Variants in RAB4A observed in about 807,000 individuals in gnomAD.
The protein encoded by RAB4A is ras-related protein Rab-4A.
Under a neutral mutation model 34.5 loss-of-function variants are expected in RAB4A, and 20 were observed. The observed-to-expected ratio is 0.58, with a 90% CI of 0.41 to 0.84. The LOEUF (loss-of-function observed/expected upper bound fraction) is 0.84, where lower values mean the gene tolerates loss of function less well. RAB4A is among the 40% of genes least tolerant of loss of function. The pLI is 0.00. For missense variants in RAB4A, 228 were observed against 274.5 expected (o/e 0.83, Z 1.20); for synonymous variants, 102 against 100.0 (o/e 1.02, Z -0.12).
chr1:229,286,237 C>T (rs1377532117), intron 1 of RAB4A, among the ~76,000 whole-genome samples: 1 of 152,178 alleles, frequency 6.6e-6, no homozygotes, highest in Non-Finnish European at 1.5e-5. Context: ...GAGTAGTTTT[C>T]AGACTTTAAC....
At chr1:229,272,741 C>A (rs1189336664) in intron 1 of RAB4A, among the ~76,000 whole-genome samples, 24 of 152,162 alleles carry the variant, frequency 1.6e-4, no homozygotes, top group Non-Finnish European at 1.5e-5. Flanking sequence ...GTCAGTTTGT[C>A]TTGTAAGAAA....
chr1:229,280,938 G>A (rs970110106), intron 1 of RAB4A, among the ~76,000 whole-genome samples: 1 of 152,080 alleles, frequency 6.6e-6, no homozygotes, highest in Non-Finnish European at 1.5e-5. Context: ...TACATTCCAG[G>A]TTATTGCATG....
intron 3 of RAB4A, chr1:229,289,314 C>G (rs1024563321): frequency 3.3e-5 from 5 of 153,248 alleles, no homozygotes; most frequent in African/African-American, 1.2e-4. Context: ...AACTGAGGCT[C>G]AGAATGACTT....
intron 3 of RAB4A, among the ~76,000 whole-genome samples, chr1:229,292,834 C>T (rs1451810780): frequency 1.3e-5 from 2 of 151,988 alleles, no homozygotes; most frequent in Admixed American, 1.3e-4. Flanking sequence ...ACCAGCCAGT[C>T]GGATTCTCTG....
At position 229,271,144 on chromosome 1, in the gene RAB4A, G is replaced by C. The variant is rs1159673099; in HGVS notation, c.-196G>C. 2.4e-6 allele frequency: 1 copy of C among 408,990 alleles called. No individual in the cohort carries two copies. Among genetic ancestry groups the C allele is most frequent in the African/African-American group, 2.1e-5 (1 of 47,828 alleles). 25.3% of individuals were successfully genotyped at this position (408,990 alleles called of 1,614,324 possible). ...CCTCGCGGTCGCGGCCGGACGGAGG[G>C]TGGAGGGCCCTGCGCCTGCGCGGAG... On this transcript the variant is annotated 5_prime_UTR_variant, in exon 1 of 8. Transcript: ENST00000366690.
At chr1:229,279,597 G>A (rs1229632225) in intron 1 of RAB4A, among the ~76,000 whole-genome samples, 3 of 152,182 alleles carry the variant, frequency 2.0e-5, no homozygotes, top group Admixed American at 2.0e-4. Flanking sequence ...TGCTATTTCA[G>A]TGGCTAGGAG....
At chr1:229,286,826 C>T (rs758328483) in intron 2 of RAB4A, among the ~76,000 whole-genome samples, 1 of 152,144 alleles carries the variant, frequency 6.6e-6, no homozygotes, top group Non-Finnish European at 1.5e-5. Context: ...TTGAAGATAG[C>T]AGAGGGGTTC....
chr1:229,305,410 G>A lies in RAB4A; in HGVS notation c.*1617G>A, dbSNP rs1425018238. On this transcript the variant is annotated 3_prime_UTR_variant, in exon 8 of 8. Coordinates refer to ENST00000366690, the MANE Select transcript of RAB4A (RefSeq NM_004578.4). ...CAAGAATTTTAAAAATAAGATAAAT[G>A]TAAAGTTGTTTTATAAACGATCCTG... 1 of 959,278 alleles carries A rather than the reference G, an allele frequency of 1.0e-6. No homozygotes were observed. The highest frequency in any genetic ancestry group is 1.7e-5 in the African/African-American group (1 of 58,602). The allele number at this position is 959,278 out of a possible 1,614,324, so 59.4% of individuals were successfully genotyped here.
At chr1:229,302,272 TA>T (rs1657404961) in intron 6 of RAB4A, among the ~76,000 whole-genome samples, 2 of 12,072 alleles carry the variant, frequency 1.7e-4, no homozygotes, top group Non-Finnish European at 3.1e-4. Context: ...TATATATATA[TA>T]TATATATATA....
intron 1 of RAB4A, among the ~76,000 whole-genome samples, chr1:229,281,817 TA>T (rs1311583712): frequency 0.19 from 78 of 410 alleles, no homozygotes; most frequent in Admixed American, 0.33. Flanking sequence ...TTATCATAGT[TA>T]TATATATATA....
intron 4 of RAB4A, among the ~76,000 whole-genome samples, chr1:229,296,432 A>G (rs990177637): frequency 1.3e-5 from 2 of 152,198 alleles, no homozygotes; most frequent in African/African-American, 2.4e-5. Flanking sequence ...TAAATTAGTT[A>G]ATGTGAAGCA....
intron 6 of RAB4A, among the ~76,000 whole-genome samples, chr1:229,302,414 G>A (rs189470051): frequency 1.8e-4 from 26 of 146,644 alleles, no homozygotes; most frequent in African/African-American, 6.5e-4. Context: ...TTGGTGTAGA[G>A]GCTGTCACAT....
At chr1:229,298,932 A>G (rs1011269082) in intron 5 of RAB4A, 45 bp from the exon 6 acceptor site, 2 of 1,403,432 alleles carry the variant, frequency 1.4e-6, no homozygotes, top group African/African-American at 1.4e-5. Flanking sequence ...GAAAATTATG[A>G]TCATCTTCTA....
chr1:229,290,728 A>G (rs1657048291), intron 3 of RAB4A, among the ~76,000 whole-genome samples: 1 of 152,226 alleles, frequency 6.6e-6, no homozygotes, highest in Admixed American at 6.5e-5. Flanking sequence ...GCATTGGAGT[A>G]TGTAATAGAA....
intron 2 of RAB4A, among the ~76,000 whole-genome samples, 163 bp downstream of exon 2, chr1:229,286,729 TAA>T (rs1656933119): frequency 6.6e-6 from 1 of 152,240 alleles, no homozygotes; most frequent in Non-Finnish European, 1.5e-5. Context: ...GATTTTTTAT[TAA>T]GTTAGCATTT....
chr1:229,276,820 T>C (rs182605652), intron 1 of RAB4A, among the ~76,000 whole-genome samples: 7 of 150,980 alleles, frequency 4.6e-5, no homozygotes, highest in Admixed American at 3.9e-4. Context: ...TTCTTCGTCG[T>C]AGTGACTTGA....
chr1:229,298,832 G>A (rs1319590376), intron 5 of RAB4A, 145 bp from the exon 6 acceptor site: 1 of 636,922 alleles, frequency 1.6e-6, no homozygotes. Context: ...GACATATATT[G>A]ATTTTATATT....
At chr1:229,296,467 G>A (rs1201390601) in intron 4 of RAB4A, among the ~76,000 whole-genome samples, 1 of 152,162 alleles carries the variant, frequency 6.6e-6, no homozygotes, top group Admixed American at 6.5e-5. Context: ...GTGACATATG[G>A]CAATTTAACT....
chr1:229,272,645 G>A (rs1656523845), intron 1 of RAB4A, among the ~76,000 whole-genome samples: 1 of 152,192 alleles, frequency 6.6e-6, no homozygotes, highest in Non-Finnish European at 1.5e-5. Context: ...AGGCCTGTGG[G>A]AAGGGTAACT....
Sources: gnomAD v4.1 joint callset for allele counts (sites outside exome capture counted in the v4.1 genomes callset) on GRCh38, gnomAD v4.1.1 for gene constraint, MANE v1.5 for transcripts, NCBI Gene and HGNC (gene_info 2026-07-23, HGNC 2026-07-21) for gene names.